The following COG6 variants were observed in gnomAD, a reference collection of about 807,000 sequenced individuals.
COG6 encodes the protein conserved oligomeric Golgi complex subunit 6.
Under a neutral mutation model 88.8 loss-of-function variants are expected in COG6, and 74 were observed. The ratio of observed to expected loss-of-function variants is 0.83; its 90% CI spans 0.69 to 1.01. COG6 has a LOEUF of 1.01. Among genes scored for constraint, COG6 ranks in the 50% least tolerant of loss-of-function variants. The pLI, the probability that COG6 is intolerant of heterozygous loss-of-function variation, is 0.00. For missense variants in COG6, 800 were observed against 797.9 expected, an observed-to-expected ratio of 1.00 and a Z score of -0.03; for synonymous variants, 286 against 278.7, an observed-to-expected ratio of 1.03 and a Z score of -0.26.
At chr13:39,735,449 T>C (rs1566033405) in intron 18 of COG6, among the ~76,000 whole-genome samples, 2 of 152,118 alleles carry the variant, frequency 1.3e-5, no homozygotes, top group Admixed American at 1.3e-4. Flanking sequence ...TTATATCTTA[T>C]TATACTGTCT....
intron 15 of COG6, among the ~76,000 whole-genome samples, chr13:39,722,919 C>G (rs974449648): frequency 3.3e-5 from 5 of 152,160 alleles, no homozygotes; most frequent in African/African-American, 1.2e-4. Flanking sequence ...CTAGGCTTCT[C>G]CAGATGGTAT....
intron 18 of COG6, among the ~76,000 whole-genome samples, chr13:39,770,798 G>A (rs1881298431): frequency 2.0e-5 from 3 of 152,134 alleles, no homozygotes; most frequent in Admixed American, 1.3e-4. Flanking sequence ...CTAAGATCAC[G>A]GGCTTTCATT....
intron 10 of COG6, among the ~76,000 whole-genome samples, chr13:39,688,134 G>A (rs4383025): frequency 1 from 151,892 of 152,310 alleles, 75,740 homozygotes; most frequent in Non-Finnish European, 1. Flanking sequence ...TAAAGGTACA[G>A]GGTGATATTA....
chr13:39,766,674 C>G (rs1404320009), intron 18 of COG6, among the ~76,000 whole-genome samples: 2 of 152,154 alleles, frequency 1.3e-5, no homozygotes, highest in African/African-American at 4.8e-5. Flanking sequence ...CCAAGATTTT[C>G]TAATTCTTTC....
At chr13:39,772,531 C>T (rs534244950) in intron 18 of COG6, among the ~76,000 whole-genome samples, 6 of 152,342 alleles carry the variant, frequency 3.9e-5, no homozygotes, top group Admixed American at 2.6e-4. Flanking sequence ...ACACCAGCCT[C>T]TGAACATCAG....
chr13:39,734,090 T>G (rs948159008), intron 18 of COG6, among the ~76,000 whole-genome samples: 7 of 152,166 alleles, frequency 4.6e-5, no homozygotes, highest in African/African-American at 7.2e-5. Flanking sequence ...TCTTTTGTAC[T>G]TTTGTTTCAA....
intron 18 of COG6, among the ~76,000 whole-genome samples, chr13:39,775,561 G>A (rs984145910): frequency 2.0e-5 from 3 of 152,116 alleles, no homozygotes; most frequent in Admixed American, 1.3e-4. Flanking sequence ...CACTAAAACT[G>A]AGGGGGGTTG....
At position 39,752,186 on chromosome 13, in the gene COG6, G is replaced by A. The variant is rs114184435; in HGVS notation, c.*1093G>A. On this transcript the variant is annotated 3_prime_UTR_variant, in exon 19 of 19. Transcript: ENST00000455146. ...ATTTCTAGTAAATCTATAAAAATGG[G>A]TAAGTCCCTAAATTACAAATGAGAA... 25 of 1,143,588 alleles carry A rather than the reference G, an allele frequency of 2.2e-5. No individual in the cohort carries two copies. In the South Asian group the frequency reaches 3.5e-4, roughly 16 times the overall value. 70.8% of individuals were successfully genotyped at this position (1,143,588 alleles called of 1,614,324 possible).
At chr13:39,758,237 AAAAAAT>A (rs1442765822) in intron 18 of COG6, among the ~76,000 whole-genome samples, 1 of 149,854 alleles carries the variant, frequency 6.7e-6, no homozygotes, top group African/African-American at 2.5e-5. Context: ...AAAAAAAAAA[AAAAAAT>A]GACGAGCTGG....
intron 4 of COG6, among the ~76,000 whole-genome samples, chr13:39,668,928 C>G (rs570359905): frequency 1.3e-5 from 2 of 152,220 alleles, no homozygotes; most frequent in East Asian, 1.9e-4. Context: ...ATCTACCTGT[C>G]TTATTCAGAT....
At chr13:39,707,189 C>T (rs1877984865) in intron 13 of COG6, among the ~76,000 whole-genome samples, 1 of 149,934 alleles carries the variant, frequency 6.7e-6, no homozygotes, top group African/African-American at 2.5e-5. Flanking sequence ...GTGTAATGCA[C>T]AATCTCTCTG....
chr13:39,714,030 C>CA lies in COG6; in HGVS notation c.1285-5205dup, dbSNP rs749210806. On this transcript the variant is annotated intron_variant, in intron 13 of 18. Transcript: ENST00000455146. Reference sequence around the variant, plus strand: ...GAATGACTTGAGTTCAAGTAGCACTCACTTGCAATGATTTACCATCAACTC... The same window carrying CA: ...GAATGACTTGAGTTCAAGTAGCACTCAACTTGCAATGATTTACCATCAACTC... 3.9e-5 allele frequency among the ~76,000 whole-genome samples: 6 copies of CA among 152,288 alleles called. No individual in the cohort carries two copies. In the South Asian group the frequency reaches 1.2e-3, roughly 32 times the overall value.
chr13:39,687,803 G>T lies in COG6; in HGVS notation c.1009+4G>T, dbSNP rs1485873366. ...TTAAAGCATGTAACTACACAAGGTGGGTCCACCAATTGTATTGCTAATGCC... is the reference window on the plus strand; with the variant it reads ...TTAAAGCATGTAACTACACAAGGTGTGTCCACCAATTGTATTGCTAATGCC... On this transcript the variant is annotated splice_donor_region_variant and intron_variant, in intron 10 of 18. Transcript: ENST00000455146. 1 of 1,600,982 alleles carries T rather than the reference G, an allele frequency of 6.2e-7. No individual in the cohort carries two copies. Among genetic ancestry groups the T allele is most frequent in the South Asian group, 1.1e-5 (1 of 90,774 alleles).
At chr13:39,787,824 A>G (rs1422583108) in intron 18 of COG6, among the ~76,000 whole-genome samples, 2 of 152,240 alleles carry the variant, frequency 1.3e-5, no homozygotes, top group Non-Finnish European at 2.9e-5. Context: ...GATTATTTAA[A>G]GTATTCGGGA....
intron 5 of COG6, among the ~76,000 whole-genome samples, chr13:39,678,969 A>G (rs1442075451): frequency 6.6e-6 from 1 of 152,174 alleles, no homozygotes; most frequent in East Asian, 1.9e-4. Flanking sequence ...GAAAAATAAC[A>G]CATCCGTTAT....
chr13:39,757,144 A>C (rs1880863030), downstream of COG6, among the ~76,000 whole-genome samples: 1 of 152,236 alleles, frequency 6.6e-6, no homozygotes, highest in African/African-American at 2.4e-5. Flanking sequence ...GTATGTTTTC[A>C]ACCACAATGA....
At chr13:39,755,376 G>A (rs1478403458), downstream of COG6, among the ~76,000 whole-genome samples, 1 of 151,944 alleles carries the variant, frequency 6.6e-6, no homozygotes, top group Non-Finnish European at 1.5e-5. Flanking sequence ...TAGCTCCCAG[G>A]AAAACCCATT....
At chr13:39,785,865 G>T (rs574869802) in intron 18 of COG6, among the ~76,000 whole-genome samples, 1 of 152,300 alleles carries the variant, frequency 6.6e-6, no homozygotes, top group South Asian at 2.1e-4. Flanking sequence ...GGGGTTAAGA[G>T]TACTTGGAGG....
At chr13:39,737,237 A>G (rs1373587164) in intron 18 of COG6, among the ~76,000 whole-genome samples, 1 of 152,022 alleles carries the variant, frequency 6.6e-6, no homozygotes, top group Non-Finnish European at 1.5e-5. Flanking sequence ...TCTTCGTGGC[A>G]CCACCACTGG....
Sources: gnomAD v4.1 joint callset for allele counts (sites outside exome capture counted in the v4.1 genomes callset) on GRCh38, gnomAD v4.1.1 for gene constraint, MANE v1.5 for transcripts, NCBI Gene and HGNC (gene_info 2026-07-23, HGNC 2026-07-21) for gene names.